SYNE2: variants seen among roughly 807,000 people sequenced by gnomAD.
The protein encoded by SYNE2 is nesprin-2.
A neutral mutation model predicts 856.3 loss-of-function variants in SYNE2; 431 were observed. The ratio of observed to expected loss-of-function variants is 0.50; its 90% confidence interval spans 0.47 to 0.55. The LOEUF is 0.55. Ranked by LOEUF, SYNE2 falls within the 20% of genes least tolerant of loss-of-function variation. The pLI is 0.00. For synonymous variants in SYNE2, 2,923 were observed against 2,872.3 expected (o/e 1.02, Z -0.56); for missense variants, 8,129 against 8,023.2 (o/e 1.01, Z -0.50).
intron 50 of SYNE2, among the ~76,000 whole-genome samples, chr14:64,064,732 T>G (rs1252266452): frequency 1.3e-5 from 2 of 151,932 alleles, no homozygotes; most frequent in African/African-American, 4.8e-5. Context: ...TTTTTAATTT[T>G]TTGTAGAGAC....
At chr14:63,955,055 T>G in intron 8 of SYNE2, 140 bp downstream of exon 8, 2 of 724,608 alleles carry the variant, frequency 2.8e-6, no homozygotes, top group South Asian at 3.3e-5. Flanking sequence ...TTATCGAATT[T>G]GATGCAATCA....
intron 1 of SYNE2, among the ~76,000 whole-genome samples, chr14:63,898,619 G>A (rs775034529): frequency 6.6e-6 from 1 of 151,968 alleles, no homozygotes; most frequent in Non-Finnish European, 1.5e-5. Context: ...TGCCCAGGCT[G>A]GTCTCGAACT....
intron 85 of SYNE2, among the ~76,000 whole-genome samples, chr14:64,153,550 A>T (rs1241812325): frequency 6.6e-6 from 1 of 152,242 alleles, no homozygotes; most frequent in Non-Finnish European, 1.5e-5. Context: ...GGCAACACTC[A>T]GCCTCATTCC....
At chr14:64,078,341 C>T in intron 54 of SYNE2, 125 bp from the exon 55 acceptor site, 1 of 1,139,948 alleles carries the variant, frequency 8.8e-7, no homozygotes, top group Non-Finnish European at 1.3e-6. Context: ...GCCAGAATTT[C>T]TTCCCCCAGC....
At chr14:64,098,695 G>A in intron 62 of SYNE2, 52 bp from the exon 63 acceptor site, 1 of 1,585,302 alleles carries the variant, frequency 6.3e-7, no homozygotes, top group South Asian at 1.1e-5. Context: ...TGGGATCTTG[G>A]TGATGTTGAC....
chr14:64,025,182 T>G lies in SYNE2; in HGVS notation c.6013T>G (p.Phe2005Val). Residue 2005 changes from phenylalanine (F) to valine (V), a missense_variant, in exon 41 of 116, where the codon TTT becomes GTT. Around this residue, in one of 3 missense-constraint regions of SYNE2, gnomAD observed 2,422 missense variants for 2,357.4 expected, o/e 1.03. Transcript: ENST00000555002. ...GAACAACTCTTTGAAGGAATATGGGTTTACTGAAGAAGAAGAAATAATAAT... is the reference window on the plus strand; with the variant it reads ...GAACAACTCTTTGAAGGAATATGGGGTTACTGAAGAAGAAGAAATAATAAT... ...QLNNSLKEYG[F>V]TEEEEIIMEA... is the part of the protein sequence containing the mutation. 6.2e-7 allele frequency: 1 copy of G among 1,614,046 alleles called. No individual in the cohort carries two copies. Among genetic ancestry groups the G allele is most frequent in the Non-Finnish European group, 8.5e-7 (1 of 1,179,978 alleles).
At position 64,052,518 on chromosome 14, in the gene SYNE2, G is replaced by A. The variant is rs777828502; in HGVS notation, c.8605G>A (p.Glu2869Lys). ...PRVETAATEA[E>K]LKHHHVTLEA... ...GGTGGAGACAGCTGCCACGGAAGCT[G>A]AACTAAAACATCACCATGTTACTTT... Residue 2869 changes from glutamate to lysine, a missense_variant, in exon 48 of 116, where the codon GAA (glutamate) becomes AAA (lysine). Coordinates refer to ENST00000555002, the MANE Select transcript of SYNE2 (RefSeq NM_182914.3). 1 of 1,614,084 alleles carries A rather than the reference G, an allele frequency of 6.2e-7. No homozygotes were observed. Among genetic ancestry groups the A allele is most frequent in the South Asian group, 1.1e-5 (1 of 91,060 alleles).
chr14:63,967,153 C>T (rs762212396), intron 10 of SYNE2, among the ~76,000 whole-genome samples: 4 of 151,992 alleles, frequency 2.6e-5, no homozygotes, highest in Non-Finnish European at 5.9e-5. Flanking sequence ...CATGAGCCAC[C>T]GCGCCTGGCC....
At chr14:64,195,039 G>C (rs1448850862) in intron 99 of SYNE2, among the ~76,000 whole-genome samples, 1 of 152,154 alleles carries the variant, frequency 6.6e-6, no homozygotes. Flanking sequence ...CACAGGTGGG[G>C]CTGTGTCTTC....
chr14:63,858,564 G>T (rs554519758), intron 1 of SYNE2, among the ~76,000 whole-genome samples: 1 of 151,970 alleles, frequency 6.6e-6, no homozygotes, highest in African/African-American at 2.4e-5. Context: ...CTCCAGGTGC[G>T]TGCCACCACT....
intron 2 of SYNE2, among the ~76,000 whole-genome samples, chr14:63,936,425 C>A (rs1398355340): frequency 6.6e-6 from 1 of 151,882 alleles, no homozygotes; most frequent in Non-Finnish European, 1.5e-5. Flanking sequence ...GGGGGTGTTA[C>A]AATTTTAGAT....
At chr14:63,925,439 A>C (rs941632243) in intron 2 of SYNE2, among the ~76,000 whole-genome samples, 2 of 152,252 alleles carry the variant, frequency 1.3e-5, no homozygotes, top group Admixed American at 6.5e-5. Flanking sequence ...TTTGAGATAG[A>C]CATGCAATGC....
In SYNE2 at chr14:64,132,331, T is replaced by C. The variant is rs1355781590; in HGVS notation, c.14407T>C (p.Ser4803Pro). Residue 4803 changes from serine (S) to proline (P), a missense_variant, in exon 77 of 116, where the codon TCT (serine) becomes CCT (proline). Around this residue, in one of 3 missense-constraint regions of SYNE2, gnomAD observed 5,410 missense variants for 5,284.8 expected, o/e 1.02. Transcript: ENST00000555002. Reference protein sequence around the residue: ...IQAYSAKILPSLLQNRETFWA... With the variant: ...IQAYSAKILPPLLQNRETFWA... The stretch of plus-strand genomic sequence containing the variant: ...AGCATACTCTGCCAAAATACTTCCT[T>C]CTTTATTGCAAAACAGAGAGACATT... 1.9e-6 allele frequency: 3 copies of C among 1,614,184 alleles called. No homozygotes were observed. Among genetic ancestry groups the C allele is most frequent in the Non-Finnish European group, 1.7e-6 (2 of 1,180,034 alleles).
intron 97 of SYNE2, 53 bp downstream of exon 97, chr14:64,186,632 C>G: frequency 6.2e-7 from 1 of 1,611,324 alleles, no homozygotes; most frequent in Non-Finnish European, 8.5e-7. Context: ...TGAAATGTCT[C>G]TGAAGGCCAG....
intron 49 of SYNE2, among the ~76,000 whole-genome samples, chr14:64,059,085 C>T (rs1208961369): frequency 6.6e-6 from 1 of 152,076 alleles, no homozygotes; most frequent in African/African-American, 2.4e-5. Flanking sequence ...TCTTGAATTT[C>T]TTTGATTTTC....
chr14:63,993,803 A>T (rs533912675), intron 21 of SYNE2, 32 bp from the exon 22 acceptor site: 1 of 1,577,804 alleles, frequency 6.3e-7, no homozygotes. Context: ...TGAGGCTTTT[A>T]TGATTTTGTT....
chr14:63,870,039 A>G (rs1319530762), intron 1 of SYNE2, among the ~76,000 whole-genome samples: 2 of 152,244 alleles, frequency 1.3e-5, no homozygotes, highest in African/African-American at 4.8e-5. Flanking sequence ...ATCTTTCAAA[A>G]CATTATTGCG....
chr14:64,017,868 G>C, intron 34 of SYNE2, 112 bp downstream of exon 34: 4 of 1,042,254 alleles, frequency 3.8e-6, no homozygotes, highest in Non-Finnish European at 5.8e-6. Context: ...TTGTTATCAA[G>C]AAAATCACAG....
intron 108 of SYNE2, chr14:64,218,095 C>T (rs764851215): frequency 3.2e-5 from 12 of 371,550 alleles, no homozygotes; most frequent in East Asian, 6.4e-5. Flanking sequence ...TGATTTGTTT[C>T]GTGTGGATCA....
Sources: gnomAD v4.1 joint callset for allele counts (sites outside exome capture counted in the v4.1 genomes callset) on GRCh38, gnomAD v4.1.1 for gene constraint, gnomAD v4.1.1 regional missense constraint, MANE v1.5 for transcripts, NCBI Gene and HGNC (gene_info 2026-07-23, HGNC 2026-07-21) for gene names.